The following TRPC4 variants were observed in gnomAD, a reference collection of about 807,000 sequenced individuals.
TRPC4 encodes the protein short transient receptor potential channel 4.
TRPC4 carries 49 observed loss-of-function variants against 99.4 expected under a neutral mutation model. The ratio of observed to expected loss-of-function variants is 0.49; its 90% CI spans 0.39 to 0.63. The LOEUF (loss-of-function observed/expected upper bound fraction) is 0.63. Ranked by LOEUF, TRPC4 falls within the 20% of genes least tolerant of loss-of-function variation. The pLI, the probability that TRPC4 is intolerant of heterozygous loss-of-function variation, is 0.00. For missense variants in TRPC4, 898 were observed against 1,152.9 expected (o/e 0.78, Z 3.20); for synonymous variants, 454 against 425.9 (o/e 1.07, Z -0.81).
In TRPC4 at chr13:37,637,459, T is replaced by C; in HGVS notation, c.2378A>G (p.Asn793Ser). 6.2e-7 allele frequency: 1 copy of C among 1,613,680 alleles called. No homozygotes were observed. Reference protein sequence around the residue: ...SEGNSKDKKKNFSLFDLTTLI... With the variant: ...SEGNSKDKKKSFSLFDLTTLI... Reference sequence around the variant, plus strand: ...GGTGGTTAAATCAAAAAGGCTGAAATTCTTTTTCTTGTCCTTGCTATTACC... The same window carrying C: ...GGTGGTTAAATCAAAAAGGCTGAAACTCTTTTTCTTGTCCTTGCTATTACC... Residue 793 changes from asparagine to serine, a missense_variant, in exon 11 of 11, where the codon AAT becomes AGT. Coordinates refer to ENST00000379705, the MANE Select transcript of TRPC4 (RefSeq NM_016179.4).
rs567980233 is a variant in TRPC4, at chr13:37,827,559, G to T, written c.-28+42036C>A. Among the ~76,000 whole-genome samples the T allele has an allele frequency of 7.7e-4, 117 of 152,210 alleles. 1 individual carries two copies. The South Asian group carries it at 0.02, about 27-fold the overall frequency. On this transcript the variant is annotated intron_variant, in intron 1 of 10. Transcript: ENST00000379705. ...TGAGGTGTCAGTGTGCCCCTGCTGGGGGGTGCCTCCCAGTTAGGCTGCTCG... is the reference window on the plus strand; with the variant it reads ...TGAGGTGTCAGTGTGCCCCTGCTGGTGGGTGCCTCCCAGTTAGGCTGCTCG...
chr13:37,739,731 C>T (rs1436537234), intron 3 of TRPC4, among the ~76,000 whole-genome samples: 2 of 151,932 alleles, frequency 1.3e-5, no homozygotes, highest in Admixed American at 6.6e-5. Context: ...CTCTCAAACT[C>T]CTGACCTTGT....
intron 1 of TRPC4, among the ~76,000 whole-genome samples, chr13:37,850,640 A>T (rs1200282149): frequency 2.6e-5 from 4 of 152,232 alleles, no homozygotes; most frequent in African/African-American, 9.6e-5. Context: ...TAAGATATAA[A>T]AGAAGAGCTT....
intron 5 of TRPC4, among the ~76,000 whole-genome samples, chr13:37,668,769 A>C (rs1952737188): frequency 6.6e-6 from 1 of 152,230 alleles, no homozygotes; most frequent in Non-Finnish European, 1.5e-5. Flanking sequence ...AATATTGGTC[A>C]GTGAGATTAA....
At chr13:37,677,650 A>G (rs747937260) in intron 4 of TRPC4, among the ~76,000 whole-genome samples, 4 of 152,172 alleles carry the variant, frequency 2.6e-5, no homozygotes, top group African/African-American at 4.8e-5. Flanking sequence ...AGAACCCTAT[A>G]ATACAAGATG....
At position 37,727,530 on chromosome 13, in the gene TRPC4, C is replaced by T. The variant is rs563232509; in HGVS notation, c.897+18407G>A. Among the ~76,000 whole-genome samples, 374 of 151,526 alleles carry T rather than the reference C, an allele frequency of 2.5e-3. 1 individual carries two copies. The highest frequency in any genetic ancestry group is 0.018 in the South Asian group (85 of 4,808). On this transcript the variant is annotated intron_variant, in intron 3 of 10. Coordinates refer to ENST00000379705, the MANE Select transcript of TRPC4 (RefSeq NM_016179.4). ...CTTAATAAATTGGAAAAGACAAGCACAAAGCTAACAGAAGAAAGGAAATAA... is the reference window on the plus strand; with the variant it reads ...CTTAATAAATTGGAAAAGACAAGCATAAAGCTAACAGAAGAAAGGAAATAA...
chr13:37,814,304 A>G (rs1957783267), intron 1 of TRPC4, among the ~76,000 whole-genome samples: 1 of 151,416 alleles, frequency 6.6e-6, no homozygotes, highest in Non-Finnish European at 1.5e-5. Context: ...CTTGTCAACA[A>G]TATACTAGAG....
chr13:37,809,105 T>C (rs1400594958), intron 1 of TRPC4, among the ~76,000 whole-genome samples: 1 of 152,142 alleles, frequency 6.6e-6, no homozygotes. Context: ...TTTAATATTT[T>C]AATGACAACT....
intron 2 of TRPC4, among the ~76,000 whole-genome samples, chr13:37,747,561 T>A (rs112111408): frequency 1.1e-4 from 17 of 151,592 alleles, no homozygotes; most frequent in African/African-American, 2.9e-4. Context: ...GCTGGAAAAA[T>A]GAAGGAAACC....
At chr13:37,690,809 T>G (rs1315798426) in intron 4 of TRPC4, among the ~76,000 whole-genome samples, 1 of 104,106 alleles carries the variant, frequency 9.6e-6, no homozygotes, top group African/African-American at 3.5e-5. Flanking sequence ...TCAAATAGGC[T>G]GTCTTTTTTT....
intron 3 of TRPC4, among the ~76,000 whole-genome samples, chr13:37,701,952 T>A (rs1484525643): frequency 6.7e-6 from 1 of 148,514 alleles, no homozygotes; most frequent in Non-Finnish European, 1.5e-5. Flanking sequence ...AAACAACATA[T>A]TTTTTTTTTC....
intron 2 of TRPC4, among the ~76,000 whole-genome samples, chr13:37,754,009 G>A (rs531732291): frequency 1.2e-4 from 18 of 152,208 alleles, no homozygotes; most frequent in African/African-American, 2.9e-4. Flanking sequence ...AGAGGGCAGC[G>A]AAAAGCTATG....
chr13:37,789,134 C>T (rs1007261706), intron 1 of TRPC4, among the ~76,000 whole-genome samples: 6 of 152,130 alleles, frequency 3.9e-5, no homozygotes, highest in Admixed American at 1.3e-4. Context: ...AGGCTGATAA[C>T]CATTCACAGG....
At chr13:37,675,576 C>A (rs1267140065) in intron 4 of TRPC4, among the ~76,000 whole-genome samples, 1 of 152,142 alleles carries the variant, frequency 6.6e-6, no homozygotes, top group African/African-American at 2.4e-5. Flanking sequence ...GTGGGAGAGG[C>A]ACAGTGTCCT....
intron 8 of TRPC4, among the ~76,000 whole-genome samples, chr13:37,649,045 A>G (rs1951938507): frequency 6.6e-6 from 1 of 151,848 alleles, no homozygotes; most frequent in African/African-American, 2.4e-5. Flanking sequence ...CTAAATCAAA[A>G]TACTCTTATG....
At chr13:37,639,379 A>G in intron 8 of TRPC4, 80 bp from the exon 9 acceptor site, 1 of 1,429,712 alleles carries the variant, frequency 7.0e-7, no homozygotes, top group Non-Finnish European at 9.6e-7. Context: ...TTTAATCGAT[A>G]ATGTTTTTAT....
chr13:37,822,583 C>A (rs1447433508), intron 1 of TRPC4, among the ~76,000 whole-genome samples: 13 of 151,662 alleles, frequency 8.6e-5, no homozygotes, highest in Admixed American at 6.6e-5. Context: ...ATCCATGTCC[C>A]TACAAAGGAC....
At chr13:37,811,381 T>C (rs1014555059) in intron 1 of TRPC4, among the ~76,000 whole-genome samples, 7 of 152,116 alleles carry the variant, frequency 4.6e-5, no homozygotes, top group African/African-American at 1.7e-4. Flanking sequence ...ACAGTGATCC[T>C]GAGCAACAGA....
At chr13:37,821,401 T>A (rs1404261556) in intron 1 of TRPC4, among the ~76,000 whole-genome samples, 1 of 152,126 alleles carries the variant, frequency 6.6e-6, no homozygotes, top group Admixed American at 6.6e-5. Context: ...AAGCAATTTA[T>A]AGATTCAATG....
Sources: allele counts gnomAD v4.1 joint callset (sites outside exome capture counted in the v4.1 genomes callset), GRCh38; gene constraint gnomAD v4.1.1; transcripts MANE v1.5; gene names NCBI Gene and HGNC (gene_info 2026-07-23, HGNC 2026-07-21).